The following NFIX variants were observed in gnomAD, a reference collection of about 807,000 sequenced individuals.
NFIX encodes nuclear factor I X.
In NFIX, 2 loss-of-function variants were observed where a neutral mutation model predicts 53.3. That is an observed-to-expected ratio of 0.04 (90% confidence interval 0.02 to 0.12). The LOEUF is 0.12. Among genes scored for constraint, NFIX ranks in the 10% least tolerant of loss-of-function variants. The probability of loss-of-function intolerance (pLI) is 1.00; values close to 1 mark genes in which losing one functional copy is unlikely to be tolerated. For synonymous variants in NFIX, 244 were observed against 289.0 expected (o/e 0.84, Z 1.58); for missense variants, 310 against 674.5 (o/e 0.46, Z 5.99).
rs2018588591 is a variant in NFIX at position 13,098,326 on chromosome 19, C to T, written c.*3677C>T. 1 of 149,866 alleles carries T rather than the reference C, an allele frequency of 6.7e-6. No homozygotes were observed. The allele number at this position is 149,866 out of a possible 1,614,324, so 9.3% of individuals were successfully genotyped here. A position where few individuals can be genotyped will look rare whatever the true frequency, so the allele number is the denominator to read the frequency against. On this transcript the variant is annotated 3_prime_UTR_variant, in exon 11 of 11. Coordinates refer to ENST00000592199, the MANE Select transcript of NFIX (RefSeq NM_001365902.3). ...CCCCGCAAGCCAGCCTGGGCCAGCCCCGCTTCGGCCCCTCCCGGGAGATCC... is the reference window on the plus strand; with the variant it reads ...CCCCGCAAGCCAGCCTGGGCCAGCCTCGCTTCGGCCCCTCCCGGGAGATCC...
Position 13,097,969 on chromosome 19 carries a change from A to G in NFIX, c.*3320A>G, listed in dbSNP as rs137978145. 6.9e-3 allele frequency: 1,058 copies of G among 153,806 alleles called. 7 individuals are homozygous for G. The highest frequency in any genetic ancestry group is 0.023 in the Middle Eastern group (7 of 298). 9.5% of individuals were successfully genotyped at this position (153,806 alleles called of 1,614,324 possible). On this transcript the variant is annotated 3_prime_UTR_variant, in exon 11 of 11. Transcript: ENST00000592199. The stretch of plus-strand genomic sequence containing the variant: ...CCCGCGCCCGCACGCACGCACGCAC[A>G]CGGCCCCGCACACAGCCCCGCCCCA...
rs2012321477 is a variant in NFIX at position 13,011,190 on chromosome 19, C to G, written c.28-13831C>G. Among the ~76,000 whole-genome samples, 1 of 152,202 alleles carries G rather than the reference C, an allele frequency of 6.6e-6. No homozygotes were observed. The highest frequency in any genetic ancestry group is 1.5e-5 in the Non-Finnish European group (1 of 68,026). ...CCACGTTCTTAAAGACCGGGGACCC[C>G]CCCTCCCCCAAGGGCCGGACTGCAG... On this transcript the variant is annotated intron_variant, in intron 1 of 10. Coordinates refer to ENST00000592199, the MANE Select transcript of NFIX (RefSeq NM_001365902.3). The surrounding 1 kb of genome is among the most constrained non-coding windows in gnomAD (Gnocchi z 6.5).
rs1274507135 is a variant in NFIX, at chr19:13,051,674, T to TG, written c.560-21371dup. On this transcript the variant is annotated intron_variant, in intron 2 of 10. Transcript: ENST00000592199. This position sits in a 1 kb window ranked among gnomAD's most constrained non-coding sequence, Gnocchi z 5.1. ...CCCAGCCCTCCTCCTCCTCCCTTCTTGGCCCTCTCCTCTCCCTGGGCCTCT... is the reference window on the plus strand; with the variant it reads ...CCCAGCCCTCCTCCTCCTCCCTTCTTGGGCCCTCTCCTCTCCCTGGGCCTCT... 6.6e-6 allele frequency among the ~76,000 whole-genome samples: 1 copy of TG among 152,136 alleles called. No individual in the cohort carries two copies. Among genetic ancestry groups the TG allele is most frequent in the African/African-American group, 2.4e-5 (1 of 41,408 alleles).
intron 2 of NFIX, among the ~76,000 whole-genome samples, chr19:13,061,498 G>GC (rs1173239023): frequency 1.3e-5 from 2 of 152,338 alleles, no homozygotes; most frequent in African/African-American, 4.8e-5. Flanking sequence ...CGCTGGCCGC[G>GC]CCCCGCCGCA....
At chr19:13,032,885 C>A (rs906966610) in intron 2 of NFIX, among the ~76,000 whole-genome samples, 1 of 152,116 alleles carries the variant, frequency 6.6e-6, no homozygotes, top group African/African-American at 2.4e-5. Context: ...GTCCCTATAT[C>A]CCAGTAAGAA....
At chr19:13,079,882 G>A (rs769069688) in intron 7 of NFIX, among the ~76,000 whole-genome samples, 13 of 152,270 alleles carry the variant, frequency 8.5e-5, no homozygotes, top group Non-Finnish European at 1.6e-4. Flanking sequence ...GTGCAAGGAC[G>A]CGTATGTGAG....
Position 13,093,949 on chromosome 19 carries a change from G to T in NFIX, c.1495-686G>T, listed in dbSNP as rs978472379. On this transcript the variant is annotated intron_variant, in intron 10 of 10. Transcript: ENST00000592199. The surrounding 1 kb of genome is among the most constrained non-coding windows in gnomAD (Gnocchi z 4.7). ...CAGACAAGACAAGGCCCTGTCTGTG[G>T]GAAGGCAGCGCCCCCTGCTGGCGAT... 1.3e-5 allele frequency among the ~76,000 whole-genome samples: 2 copies of T among 152,096 alleles called. No individual in the cohort carries two copies. The highest frequency in any genetic ancestry group is 1.9e-4 in the East Asian group (1 of 5,182).
intron 8 of NFIX, among the ~76,000 whole-genome samples, chr19:13,086,606 C>T (rs2017793141): frequency 6.6e-6 from 1 of 152,204 alleles, no homozygotes; most frequent in Non-Finnish European, 1.5e-5. Context: ...CTGGCCTCCA[C>T]CCAGCCCCTC....
chr19:13,067,858 C>T lies in NFIX; in HGVS notation c.560-5189C>T, dbSNP rs2145407312. Reference sequence around the variant, plus strand: ...CGGTGGCTCACGCCTGTAATCCCAGCACTTTGGGAGGCTGAGACGGGCGGA... The same window carrying T: ...CGGTGGCTCACGCCTGTAATCCCAGTACTTTGGGAGGCTGAGACGGGCGGA... On this transcript the variant is annotated intron_variant, in intron 2 of 10. Transcript: ENST00000592199. This position sits in a 1 kb window ranked among gnomAD's most constrained non-coding sequence, Gnocchi z 4.2. Among the ~76,000 whole-genome samples, 1 of 152,178 alleles carries T rather than the reference C, an allele frequency of 6.6e-6. No homozygotes were observed. The highest frequency in any genetic ancestry group is 2.1e-4 in the South Asian group (1 of 4,824).
chr19:13,022,780 C>T lies in NFIX; in HGVS notation c.28-2241C>T, dbSNP rs558381465. On this transcript the variant is annotated intron_variant, in intron 1 of 10. Coordinates refer to ENST00000592199, the MANE Select transcript of NFIX (RefSeq NM_001365902.3). This position sits in a 1 kb window ranked among gnomAD's most constrained non-coding sequence, Gnocchi z 4.5. ...ATTTTTCAGGCTTAAAAAAAAATTT[C>T]GAGTCTTCCACAATCCCAGTCCCCC... 5.3e-5 allele frequency among the ~76,000 whole-genome samples: 8 copies of T among 152,190 alleles called. No homozygotes were observed. Among genetic ancestry groups the T allele is most frequent in the East Asian group, 1.9e-4 (1 of 5,166 alleles).
chr19:13,004,616 C>G (rs1373760836), intron 1 of NFIX, among the ~76,000 whole-genome samples: 1 of 152,124 alleles, frequency 6.6e-6, no homozygotes, highest in African/African-American at 2.4e-5. Flanking sequence ...GCTACAGCCA[C>G]CCCAGCTTCT....
At chr19:13,064,768 G>C (rs1445289729) in intron 2 of NFIX, among the ~76,000 whole-genome samples, 3 of 152,220 alleles carry the variant, frequency 2.0e-5, no homozygotes, top group African/African-American at 7.2e-5. Flanking sequence ...CCCCACCAGG[G>C]TGGGAGGTGG....
rs532805938 is a variant in NFIX at position 13,087,145 on chromosome 19, C to T, written c.1255-844C>T. Among the ~76,000 whole-genome samples the T allele has an allele frequency of 4.6e-5, 7 of 152,310 alleles. No individual in the cohort carries two copies. In the South Asian group the frequency reaches 1.2e-3, roughly 27 times the overall value. ...GGAACCTGCCTGGGAGAGGCAGGGGCGCCTCTGTCTGTCCTTTGGCACCTG... is the reference window on the plus strand; with the variant it reads ...GGAACCTGCCTGGGAGAGGCAGGGGTGCCTCTGTCTGTCCTTTGGCACCTG... On this transcript the variant is annotated intron_variant, in intron 8 of 10. Coordinates refer to ENST00000592199, the MANE Select transcript of NFIX (RefSeq NM_001365902.3).
rs918797287 is a variant in NFIX at position 13,088,651 on chromosome 19, G to A, written c.1402+515G>A. The stretch of plus-strand genomic sequence containing the variant: ...CCCTGGGCCCTTGGGCCTCAAAGAC[G>A]CAGCAGGCCAGCCCGACCCCTTCCC... On this transcript the variant is annotated intron_variant, in intron 9 of 10. Transcript: ENST00000592199. This position sits in a 1 kb window ranked among gnomAD's most constrained non-coding sequence, Gnocchi z 5.9. Among the ~76,000 whole-genome samples, 1 of 151,398 alleles carries A rather than the reference G, an allele frequency of 6.6e-6. No homozygotes were observed. The highest frequency in any genetic ancestry group is 1.5e-5 in the Non-Finnish European group (1 of 67,846).
chr19:13,007,624 A>T (rs992711605), intron 1 of NFIX, among the ~76,000 whole-genome samples: 1 of 152,018 alleles, frequency 6.6e-6, no homozygotes, highest in Non-Finnish European at 1.5e-5. Flanking sequence ...CCAGAGCTGG[A>T]GTGGGGGAAC....
Position 13,075,659 on chromosome 19 carries a change from G to A in NFIX, c.943G>A (p.Asp315Asn), listed in dbSNP as rs758983974. 3.7e-6 allele frequency: 6 copies of A among 1,613,472 alleles called. No homozygotes were observed. Among genetic ancestry groups the A allele is most frequent in the East Asian group, 2.2e-5 (1 of 44,892 alleles). Residue 315 changes from aspartate to asparagine, a missense_variant, in exon 6 of 11, where the codon GAT becomes AAT. Around this residue, in one of 5 missense-constraint regions of NFIX, gnomAD observed 164 missense variants for 284.4 expected, o/e 0.58. Coordinates refer to ENST00000592199, the MANE Select transcript of NFIX (RefSeq NM_001365902.3). ...CAGCCAGTCCAGCGGGTGGCCCAAC[G>A]ATGTGGATGCAGGTATGGGTGCGGG... ...GSSQSSGWPN[D>N]VDAGPASLKK...
chr19:13,024,777 C>G, intron 1 of NFIX: 1 of 1,496,224 alleles, frequency 6.7e-7, no homozygotes, highest in Non-Finnish European at 9.0e-7. Context: ...CCCGGTGCCT[C>G]TGTCTGGCTG....
Position 13,089,127 on chromosome 19 carries a change from A to G in NFIX, c.1402+991A>G, listed in dbSNP as rs927702992. ...TTCTTTTCCCCTCTCCATCCTCTTC[A>G]TGCCATCTTCCCATCTGCATCCACC... is the stretch of plus-strand genomic sequence containing the variant. On this transcript the variant is annotated intron_variant, in intron 9 of 10. Coordinates refer to ENST00000592199, the MANE Select transcript of NFIX (RefSeq NM_001365902.3). The surrounding 1 kb of genome is among the most constrained non-coding windows in gnomAD (Gnocchi z 4.8). 1.3e-5 allele frequency among the ~76,000 whole-genome samples: 2 copies of G among 151,888 alleles called. No individual in the cohort carries two copies. The highest frequency in any genetic ancestry group is 2.9e-5 in the Non-Finnish European group (2 of 67,984).
chr19:13,024,010 C>A, intron 1 of NFIX: 1 of 1,273,512 alleles, frequency 7.9e-7, no homozygotes. Flanking sequence ...GGGCGTTGGG[C>A]TTTGCCGGGT....
Sources: allele counts gnomAD v4.1 joint callset (sites outside exome capture counted in the v4.1 genomes callset), GRCh38; gene constraint gnomAD v4.1.1; regional missense constraint gnomAD v4.1.1; non-coding constraint Gnocchi (gnomAD v3.1); transcripts MANE v1.5; gene names NCBI Gene and HGNC (gene_info 2026-07-23, HGNC 2026-07-21).